Variants in ROBO1 observed in about 807,000 individuals in gnomAD.
ROBO1 encodes the protein roundabout guidance receptor 1, also known as roundabout homolog 1.
Under a neutral mutation model 195.9 loss-of-function variants are expected in ROBO1, and 149 were observed. The observed-to-expected ratio is 0.76, with a 90% CI of 0.67 to 0.87. The LOEUF is 0.87. Ranked by LOEUF, ROBO1 falls within the 40% of genes least tolerant of loss-of-function variation. The pLI is 0.00. For missense variants in ROBO1, 1,933 were observed against 2,068.3 expected (o/e 0.93, Z 1.27); for synonymous variants, 816 against 733.2 (o/e 1.11, Z -1.82).
intron 4 of ROBO1, among the ~76,000 whole-genome samples, chr3:78,798,662 T>C (rs1351018037): frequency 6.6e-6 from 1 of 152,214 alleles, no homozygotes; most frequent in East Asian, 1.9e-4. Flanking sequence ...AGAGATTTCA[T>C]CATATATTTT....
chr3:79,406,248 CAA>C (rs34875224), intron 2 of ROBO1, among the ~76,000 whole-genome samples: 79 of 136,380 alleles, frequency 5.8e-4, no homozygotes, highest in East Asian at 8.5e-4. Context: ...AACCCAATCT[CAA>C]AAAAAAAAAA....
chr3:79,137,077 A>C (rs912283506), intron 2 of ROBO1, among the ~76,000 whole-genome samples: 25 of 152,134 alleles, frequency 1.6e-4, no homozygotes, highest in Non-Finnish European at 3.2e-4. Flanking sequence ...AGAAAAATCA[A>C]GGTTGTTTCT....
chr3:79,463,244 G>A (rs938342520), intron 2 of ROBO1, among the ~76,000 whole-genome samples: 6 of 151,890 alleles, frequency 4.0e-5, no homozygotes, highest in East Asian at 1.9e-4. Flanking sequence ...GCGTGGTGGC[G>A]GGCGCCTGTA....
intron 8 of ROBO1, among the ~76,000 whole-genome samples, chr3:78,691,981 A>G (rs1354638157): frequency 1.3e-5 from 2 of 151,746 alleles, no homozygotes; most frequent in Admixed American, 6.6e-5. Flanking sequence ...TTTTATTGCT[A>G]GTCTTTCTAG....
chr3:79,175,489 C>T (rs1456160312), intron 2 of ROBO1, among the ~76,000 whole-genome samples: 3 of 152,158 alleles, frequency 2.0e-5, no homozygotes, highest in Non-Finnish European at 4.4e-5. Flanking sequence ...ATCAAATTAA[C>T]CTTAGCAGTA....
At chr3:78,935,601 G>A (rs1290063492) in intron 4 of ROBO1, among the ~76,000 whole-genome samples, 1 of 151,958 alleles carries the variant, frequency 6.6e-6, no homozygotes, top group South Asian at 2.1e-4. Context: ...TTTAAATAGA[G>A]CTGATCCAAA....
rs894595668 is a variant in ROBO1, at chr3:78,985,818, G to A, written c.173-46891C>T. 4.6e-5 allele frequency among the ~76,000 whole-genome samples: 7 copies of A among 152,072 alleles called. No homozygotes were observed. The East Asian group carries it at 9.6e-4, about 21-fold the overall frequency. On this transcript the variant is annotated intron_variant, in intron 3 of 30. Coordinates refer to ENST00000464233, the MANE Select transcript of ROBO1 (RefSeq NM_002941.4). Reference sequence around the variant, plus strand: ...AGATTTGCAGACAGTAACAAGGCTCGAAATTCAAACAAAGCCTGGGAAATA... The same window carrying A: ...AGATTTGCAGACAGTAACAAGGCTCAAAATTCAAACAAAGCCTGGGAAATA...
intron 2 of ROBO1, among the ~76,000 whole-genome samples, chr3:79,500,068 A>C (rs1236450204): frequency 6.7e-6 from 1 of 150,338 alleles, no homozygotes; most frequent in Non-Finnish European, 1.5e-5. Context: ...TCAGCCTCTC[A>C]AAGTGCTGAG....
Position 78,925,455 on chromosome 3 carries a change from T to C in ROBO1, c.499+13146A>G, listed in dbSNP as rs576442637. On this transcript the variant is annotated intron_variant, in intron 4 of 30. Transcript: ENST00000464233. ...TATTTGTTTCCAAACAGGAAAAAAA[T>C]GAGGCATAAGGCCGAGCAGGTATAA... is the stretch of plus-strand genomic sequence containing the variant. 3.3e-5 allele frequency among the ~76,000 whole-genome samples: 5 copies of C among 152,246 alleles called. No individual in the cohort carries two copies. In the South Asian group the frequency reaches 6.2e-4, roughly 19 times the overall value.
At chr3:79,196,419 G>C (rs917798446) in intron 2 of ROBO1, among the ~76,000 whole-genome samples, 1 of 151,000 alleles carries the variant, frequency 6.6e-6, no homozygotes, top group Non-Finnish European at 1.5e-5. Flanking sequence ...GAAAGAAAGA[G>C]AGAGAAAATA....
At chr3:78,717,241 T>C (rs1417300474) in intron 7 of ROBO1, 34 bp downstream of exon 7, 4 of 1,517,166 alleles carry the variant, frequency 2.6e-6, no homozygotes, top group Non-Finnish European at 3.5e-6. Context: ...AAATGCTGAG[T>C]TGACAAATCA....
intron 3 of ROBO1, among the ~76,000 whole-genome samples, chr3:79,118,693 C>T (rs961189122): frequency 6.6e-6 from 1 of 151,964 alleles, no homozygotes; most frequent in Non-Finnish European, 1.5e-5. Context: ...CATGGTGAAA[C>T]TCCATCTCTA....
intron 3 of ROBO1, among the ~76,000 whole-genome samples, chr3:79,036,034 T>C (rs1470478767): frequency 6.6e-6 from 1 of 152,168 alleles, no homozygotes; most frequent in Admixed American, 6.5e-5. Flanking sequence ...TTCATCTCTT[T>C]ATAATATAAC....
chr3:79,376,329 T>C (rs2036381452), intron 2 of ROBO1, among the ~76,000 whole-genome samples: 1 of 152,208 alleles, frequency 6.6e-6, no homozygotes, highest in South Asian at 2.1e-4. Context: ...TCTTTGTCCC[T>C]TAAGATCTTT....
chr3:79,499,854 G>A (rs1191285263), intron 2 of ROBO1, among the ~76,000 whole-genome samples: 1 of 152,030 alleles, frequency 6.6e-6, no homozygotes, highest in Non-Finnish European at 1.5e-5. Context: ...TCTGTTGCCC[G>A]AGAGTGATGG....
intron 3 of ROBO1, among the ~76,000 whole-genome samples, chr3:78,943,535 C>T (rs577473401): frequency 6.6e-6 from 1 of 152,146 alleles, no homozygotes; most frequent in African/African-American, 2.4e-5. Context: ...ATGGAATATT[C>T]TTTCTTCAGA....
At chr3:79,085,530 G>A (rs1296812026) in intron 3 of ROBO1, among the ~76,000 whole-genome samples, 1 of 152,056 alleles carries the variant, frequency 6.6e-6, no homozygotes, top group Non-Finnish European at 1.5e-5. Flanking sequence ...CTTCTTTCTG[G>A]GCAAGTAGAA....
At chr3:79,184,849 A>C (rs2081409324) in intron 2 of ROBO1, among the ~76,000 whole-genome samples, 1 of 152,150 alleles carries the variant, frequency 6.6e-6, no homozygotes, top group Admixed American at 6.5e-5. Context: ...TTTGAGCTCC[A>C]TGAGCCAGAC....
chr3:79,554,450 T>C (rs1942629717), intron 2 of ROBO1, among the ~76,000 whole-genome samples: 2 of 151,966 alleles, frequency 1.3e-5, no homozygotes, highest in Admixed American at 1.3e-4. Flanking sequence ...CATTTAAGAA[T>C]TGCATGAAAG....
Sources: gnomAD v4.1 joint callset for allele counts (sites outside exome capture counted in the v4.1 genomes callset) on GRCh38, gnomAD v4.1.1 for gene constraint, MANE v1.5 for transcripts, NCBI Gene and HGNC (gene_info 2026-07-23, HGNC 2026-07-21) for gene names.